Variants in LARGE1 observed in about 807,000 individuals in gnomAD.
LARGE1 encodes the protein LARGE xylosyl- and glucuronyltransferase 1, also known as xylosyl- and glucuronyltransferase LARGE1.
A neutral mutation model predicts 87.6 loss-of-function variants in LARGE1; 43 were observed. That is an observed-to-expected ratio of 0.49 (90% CI 0.38 to 0.63). The LOEUF is 0.63. Ranked by LOEUF, LARGE1 falls within the 30% of genes least tolerant of loss-of-function variation. The pLI is 0.00. For missense variants in LARGE1, 802 were observed against 1,000.2 expected (o/e 0.80, Z 2.67); for synonymous variants, 434 against 394.6 (o/e 1.10, Z -1.18).
intron 5 of LARGE1, among the ~76,000 whole-genome samples, chr22:33,593,535 G>A (rs1182835115): frequency 6.6e-6 from 1 of 152,122 alleles, no homozygotes; most frequent in Non-Finnish European, 1.5e-5. Context: ...AAGATAATAA[G>A]CTTGTCTCCA....
At chr22:33,406,749 G>A (rs1430007021) in intron 7 of LARGE1, among the ~76,000 whole-genome samples, 1 of 152,164 alleles carries the variant, frequency 6.6e-6, no homozygotes, top group African/African-American at 2.4e-5. Flanking sequence ...TAAAATGTTT[G>A]ACAACTATAT....
chr22:33,649,921 T>C (rs1198083314), intron 3 of LARGE1, among the ~76,000 whole-genome samples: 1 of 152,198 alleles, frequency 6.6e-6, no homozygotes, highest in Non-Finnish European at 1.5e-5. Context: ...AGTCTGTGGT[T>C]CTGAATTGGA....
In LARGE1 at chr22:33,511,141, G is replaced by T. The variant is rs1434891052; in HGVS notation, c.787+53707C>A. Among the ~76,000 whole-genome samples, 3 of 152,188 alleles carry T rather than the reference G, an allele frequency of 2.0e-5. No individual in the cohort carries two copies. In the South Asian group the frequency reaches 6.2e-4, roughly 32 times the overall value. Reference sequence around the variant, plus strand: ...GCCAGACTTTCCTCCCATTTGGACAGATGTTTCCACATGTGGCAGCTGTAC... The same window carrying T: ...GCCAGACTTTCCTCCCATTTGGACATATGTTTCCACATGTGGCAGCTGTAC... On this transcript the variant is annotated intron_variant, in intron 6 of 14. Transcript: ENST00000397394.
Position 33,364,062 on chromosome 22 carries a change from T to TCA in LARGE1, c.1131+17856_1131+17857insTG, listed in dbSNP as rs1167080873. On this transcript the variant is annotated intron_variant, in intron 9 of 14. Coordinates refer to ENST00000397394, the MANE Select transcript of LARGE1 (RefSeq NM_133642.5). Reference sequence around the variant, plus strand: ...TCAAAGTGCATCTTTGCTATATATTTTTTTTTTTTTGAGACGGAGTCTCGC... The same window carrying TCA: ...TCAAAGTGCATCTTTGCTATATATTTCATTTTTTTTTTGAGACGGAGTCTCGC... Among the ~76,000 whole-genome samples, 265 of 148,820 alleles carry TCA rather than the reference T, an allele frequency of 1.8e-3. 19 individuals carry two copies. The highest frequency in any genetic ancestry group is 2.6e-3 in the Non-Finnish European group (172 of 66,820).
intron 6 of LARGE1, among the ~76,000 whole-genome samples, chr22:33,462,065 T>C (rs1036213753): frequency 6.6e-6 from 1 of 152,216 alleles, no homozygotes; most frequent in African/African-American, 2.4e-5. Context: ...TAATTTATTA[T>C]TCATGAATAG....
At chr22:33,163,332 G>A (rs2146118077) in exon 12 of LARGE1, 1 of 152,332 alleles carries the variant, frequency 6.6e-6, no homozygotes, top group Admixed American at 6.5e-5. Flanking sequence ...ATTTTAAAAT[G>A]AAGTGTGGTA....
At chr22:33,609,789 A>G (rs561607597) in intron 4 of LARGE1, among the ~76,000 whole-genome samples, 3 of 152,232 alleles carry the variant, frequency 2.0e-5, no homozygotes, top group Non-Finnish European at 4.4e-5. Flanking sequence ...CGGATCCCTC[A>G]TGGCTTGGTG....
intron 1 of LARGE1, among the ~76,000 whole-genome samples, chr22:33,870,729 C>A (rs13054983): frequency 1.3e-5 from 2 of 151,964 alleles, no homozygotes; most frequent in Non-Finnish European, 2.9e-5. Flanking sequence ...CCAGCACACT[C>A]GTAAAATTTT....
At chr22:33,483,708 G>A (rs918610838) in intron 6 of LARGE1, among the ~76,000 whole-genome samples, 1 of 152,166 alleles carries the variant, frequency 6.6e-6, no homozygotes, top group South Asian at 2.1e-4. Flanking sequence ...ATCCTGCCTC[G>A]TTAAAGGACG....
At chr22:33,581,778 C>T (rs905574250) in intron 5 of LARGE1, among the ~76,000 whole-genome samples, 6 of 146,412 alleles carry the variant, frequency 4.1e-5, no homozygotes, top group African/African-American at 1.5e-4. Flanking sequence ...TGCCATTGCA[C>T]TCCAGTCTGG....
chr22:33,225,582 C>T (rs1417500667), intron 11 of LARGE1, among the ~76,000 whole-genome samples: 2 of 151,564 alleles, frequency 1.3e-5, no homozygotes, highest in South Asian at 2.1e-4. Context: ...AAACTTTTAT[C>T]TTAGGTTCAG....
At chr22:33,606,602 T>C (rs2079272503) in intron 4 of LARGE1, among the ~76,000 whole-genome samples, 1 of 151,900 alleles carries the variant, frequency 6.6e-6, no homozygotes, top group Non-Finnish European at 1.5e-5. Flanking sequence ...GTGCTCTCTC[T>C]CCACCCTGGG....
intron 1 of LARGE1, among the ~76,000 whole-genome samples, chr22:33,910,481 G>A (rs2045364806): frequency 6.6e-6 from 1 of 152,110 alleles, no homozygotes; most frequent in South Asian, 2.1e-4. Context: ...TTCTCATCTT[G>A]ACTTCTTCAA....
chr22:33,650,658 G>A lies in LARGE1; in HGVS notation c.117C>T (p.Pro39=), dbSNP rs140622529. 24 of 1,600,608 alleles carry A rather than the reference G, an allele frequency of 1.5e-5. No homozygotes were observed. Among genetic ancestry groups the A allele is most frequent in the South Asian group, 2.2e-5 (2 of 91,028 alleles). ...GGGACTCCAGCGGTGACAGAGACAC[G>A]GGCTTTCCATCTGGGGAGCGAAACA... The part of the protein sequence containing the change: ...LFSGSFEDGK[P]VSLSPLESQA... The change falls in exon 3 of 15, where the codon CCC becomes CCT. Residue 39 remains proline, a synonymous_variant. Transcript: ENST00000397394.
At chr22:33,816,325 A>G (rs1416570608) in intron 1 of LARGE1, among the ~76,000 whole-genome samples, 5 of 151,838 alleles carry the variant, frequency 3.3e-5, no homozygotes, top group African/African-American at 1.2e-4. Flanking sequence ...TAGCTTATAA[A>G]CAACAGGCAT....
rs566136606 is a variant in LARGE1, at chr22:33,569,713, C to G, written c.616-4694G>C. 3.3e-5 allele frequency among the ~76,000 whole-genome samples: 5 copies of G among 152,298 alleles called. No homozygotes were observed. The East Asian group carries it at 9.7e-4, about 30-fold the overall frequency. On this transcript the variant is annotated intron_variant, in intron 5 of 14. Transcript: ENST00000397394. ...GAAATCACTGCCTTCCAGCCACCCC[C>G]ACCCCCACAGCCCCAGGCTGGATTA...
intron 2 of LARGE1, among the ~76,000 whole-genome samples, chr22:33,754,419 T>C (rs2084432352): frequency 6.6e-6 from 1 of 151,350 alleles, no homozygotes; most frequent in African/African-American, 2.4e-5. Flanking sequence ...CACTGCAAGC[T>C]CCGCCCCCCA....
At chr22:33,872,369 T>A (rs994980945) in intron 1 of LARGE1, among the ~76,000 whole-genome samples, 1 of 79,030 alleles carries the variant, frequency 1.3e-5, no homozygotes, top group African/African-American at 9.6e-5. Flanking sequence ...CTATTATTAT[T>A]ATTATTATTA....
chr22:33,822,787 C>G (rs754788787), intron 1 of LARGE1, among the ~76,000 whole-genome samples: 1 of 152,214 alleles, frequency 6.6e-6, no homozygotes, highest in African/African-American at 2.4e-5. Context: ...CAGAAATCCT[C>G]TGGTTTCTAT....
Sources: allele counts gnomAD v4.1 joint callset (sites outside exome capture counted in the v4.1 genomes callset), GRCh38; gene constraint gnomAD v4.1.1; transcripts MANE v1.5; gene names NCBI Gene and HGNC (gene_info 2026-07-23, HGNC 2026-07-21).